Variants in SLC4A10 observed in about 807,000 individuals in gnomAD.
SLC4A10 encodes the protein solute carrier family 4 member 10.
A neutral mutation model predicts 137.7 loss-of-function variants in SLC4A10; 42 were observed. The ratio of observed to expected loss-of-function variants is 0.30; its 90% CI spans 0.24 to 0.39. The LOEUF (loss-of-function observed/expected upper bound fraction) is 0.39, where lower values mean the gene tolerates loss of function less well. Ranked by LOEUF, SLC4A10 falls within the 10% of genes least tolerant of loss-of-function variation. The pLI, the probability that SLC4A10 is intolerant of heterozygous loss-of-function variation, is 1.00. For synonymous variants in SLC4A10, 474 were observed against 464.1 expected (o/e 1.02, Z -0.27); for missense variants, 925 against 1,355.0 (o/e 0.68, Z 4.98).
At chr2:161,957,840 A>G (rs1695936785) in intron 20 of SLC4A10, among the ~76,000 whole-genome samples, 1 of 152,142 alleles carries the variant, frequency 6.6e-6, no homozygotes, top group Non-Finnish European at 1.5e-5. Context: ...AGGTGTGTCA[A>G]TTGCGCTATA....
Position 161,804,424 on chromosome 2 carries a change from T to C in SLC4A10, c.131-25T>C, listed in dbSNP as rs73021504. ...TGCCCTGGAATAATTCAGAGTTTAATTTGTGGGTTTGCTTCCTTATGAAGG... is the reference window on the plus strand; with the variant it reads ...TGCCCTGGAATAATTCAGAGTTTAACTTGTGGGTTTGCTTCCTTATGAAGG... On this transcript the variant is annotated intron_variant, in intron 2 of 26. Transcript: ENST00000446997. 1.2e-3 allele frequency: 1,897 copies of C among 1,602,068 alleles called. 18 individuals are homozygous for C. The African/African-American group carries it at 0.023, about 19-fold the overall frequency.
intron 1 of SLC4A10, among the ~76,000 whole-genome samples, chr2:161,718,260 A>AT (rs2045186664): frequency 6.6e-6 from 1 of 151,418 alleles, no homozygotes; most frequent in Non-Finnish European, 1.5e-5. Context: ...GGATTCGTTG[A>AT]TTTTTTGAAG....
chr2:161,892,201 A>G (rs540276889), intron 10 of SLC4A10, among the ~76,000 whole-genome samples: 64 of 152,142 alleles, frequency 4.2e-4, no homozygotes, highest in Non-Finnish European at 7.9e-4. Flanking sequence ...AACACGGTAT[A>G]GAATAATGTG....
At chr2:161,830,876 G>A (rs935982717) in intron 3 of SLC4A10, among the ~76,000 whole-genome samples, 1 of 152,204 alleles carries the variant, frequency 6.6e-6, no homozygotes, top group Non-Finnish European at 1.5e-5. Context: ...ATCAAGAGAT[G>A]TAGGGTGCTA....
intron 18 of SLC4A10, 53 bp downstream of exon 18, chr2:161,949,314 A>G (rs1204015590): frequency 8.7e-7 from 1 of 1,149,868 alleles, no homozygotes; most frequent in Non-Finnish European, 1.3e-6. Context: ...ATCTTCATTT[A>G]GATGATACCT....
chr2:161,661,818 CTT>C (rs2105713510), intron 1 of SLC4A10, among the ~76,000 whole-genome samples: 1 of 152,172 alleles, frequency 6.6e-6, no homozygotes, highest in South Asian at 2.1e-4. Context: ...AGTGATGAAA[CTT>C]AAGATTTCAG....
intron 2 of SLC4A10, among the ~76,000 whole-genome samples, chr2:161,794,610 A>C (rs2125552871): frequency 6.6e-6 from 1 of 152,294 alleles, no homozygotes; most frequent in East Asian, 1.9e-4. Context: ...TAAATTGATC[A>C]GTTCACATTG....
chr2:161,766,024 G>A (rs1158442592), intron 1 of SLC4A10, among the ~76,000 whole-genome samples: 2 of 152,080 alleles, frequency 1.3e-5, no homozygotes, highest in African/African-American at 2.4e-5. Flanking sequence ...GTATTAATTT[G>A]TATCTTGGGA....
At chr2:161,679,133 ATG>A (rs1237239813) in intron 1 of SLC4A10, among the ~76,000 whole-genome samples, 2 of 152,032 alleles carry the variant, frequency 1.3e-5, no homozygotes, top group Non-Finnish European at 2.9e-5. Context: ...TGTCTGTCTT[ATG>A]TTTTAGTCAT....
intron 15 of SLC4A10, among the ~76,000 whole-genome samples, chr2:161,913,659 A>G (rs1686394503): frequency 6.6e-6 from 1 of 152,218 alleles, no homozygotes; most frequent in Non-Finnish European, 1.5e-5. Flanking sequence ...AGAACAAGTT[A>G]TGACTTCTGA....
chr2:161,962,722 A>G (rs546941660), intron 21 of SLC4A10, among the ~76,000 whole-genome samples: 222 of 152,242 alleles, frequency 1.5e-3, no homozygotes, highest in Non-Finnish European at 2.5e-3. Flanking sequence ...TCTTATTTAG[A>G]TAACTGAGGA....
intron 12 of SLC4A10, among the ~76,000 whole-genome samples, chr2:161,901,777 T>C (rs971284409): frequency 4.6e-5 from 7 of 152,114 alleles, no homozygotes; most frequent in Non-Finnish European, 7.4e-5. Flanking sequence ...CCTTTATCTA[T>C]GTGTTGTCTC....
chr2:161,751,645 C>T (rs913857181), intron 1 of SLC4A10, among the ~76,000 whole-genome samples: 11 of 151,650 alleles, frequency 7.3e-5, no homozygotes, highest in East Asian at 1.9e-4. Context: ...CCTCCTATTC[C>T]GCCATCTTGC....
At chr2:161,827,792 C>G (rs2058118788) in intron 3 of SLC4A10, among the ~76,000 whole-genome samples, 2 of 152,154 alleles carry the variant, frequency 1.3e-5, no homozygotes, top group East Asian at 1.9e-4. Context: ...GTCTCGATCT[C>G]CTGACCTCGT....
At chr2:161,642,172 CCTAGTGTAGTGATGTAT>C (rs2035410676) in intron 1 of SLC4A10, among the ~76,000 whole-genome samples, 1 of 151,832 alleles carries the variant, frequency 6.6e-6, no homozygotes, top group African/African-American at 2.4e-5. Flanking sequence ...TCTTTGATTC[CCTAGTGTAGTGATGTAT>C]CTTAATGTAA....
chr2:161,749,837 T>C (rs1177006154), intron 1 of SLC4A10, among the ~76,000 whole-genome samples: 2 of 151,844 alleles, frequency 1.3e-5, no homozygotes, highest in East Asian at 1.9e-4. Flanking sequence ...TTGAGAAGGG[T>C]ATATACTAGT....
intron 3 of SLC4A10, among the ~76,000 whole-genome samples, chr2:161,812,160 G>A (rs921638229): frequency 1.3e-5 from 2 of 151,800 alleles, no homozygotes; most frequent in Admixed American, 1.3e-4. Context: ...ACATTTTTCT[G>A]TGTCCCTTAA....
intron 1 of SLC4A10, among the ~76,000 whole-genome samples, chr2:161,677,846 G>A (rs1023592189): frequency 6.6e-6 from 1 of 152,144 alleles, no homozygotes; most frequent in Admixed American, 6.6e-5. Flanking sequence ...TTTCACAATG[G>A]CACGTGGGAC....
intron 1 of SLC4A10, among the ~76,000 whole-genome samples, chr2:161,638,464 A>G (rs554168753): frequency 2.4e-3 from 371 of 152,078 alleles, no homozygotes; most frequent in Non-Finnish European, 3.7e-3. Flanking sequence ...TGGGTTTTCT[A>G]TTCTGTTTCA....
Sources: allele counts gnomAD v4.1 joint callset (sites outside exome capture counted in the v4.1 genomes callset), GRCh38; gene constraint gnomAD v4.1.1; transcripts MANE v1.5; gene names NCBI Gene and HGNC (gene_info 2026-07-23, HGNC 2026-07-21).